Variants in MAN1A2 observed in about 807,000 individuals in gnomAD.
The protein encoded by MAN1A2 is mannosidase alpha class 1A member 2.
MAN1A2 carries 26 observed loss-of-function variants against 75.7 expected under a neutral mutation model. The observed-to-expected ratio is 0.34, with a 90% CI of 0.25 to 0.48. The LOEUF is 0.48. MAN1A2 is among the 20% of genes least tolerant of loss of function. The pLI is 0.99. For synonymous variants in MAN1A2, 247 were observed against 264.6 expected, an observed-to-expected ratio of 0.93 and a Z score of 0.65; for missense variants, 562 against 775.5, an observed-to-expected ratio of 0.72 and a Z score of 3.27.
chr1:117,412,732 C>G (rs1211842746), intron 3 of MAN1A2, among the ~76,000 whole-genome samples: 3 of 151,546 alleles, frequency 2.0e-5, no homozygotes, highest in African/African-American at 7.3e-5. Flanking sequence ...TCATTTTTTC[C>G]TGTTCAAATC....
At chr1:117,387,875 G>C (rs185480909) in intron 1 of MAN1A2, among the ~76,000 whole-genome samples, 2 of 152,092 alleles carry the variant, frequency 1.3e-5, no homozygotes, top group East Asian at 3.9e-4. Flanking sequence ...TGTGAAGAAA[G>C]AGACAGCAGC....
In MAN1A2 at chr1:117,523,999, C is replaced by T. The variant is rs1651939510; in HGVS notation, c.*1042C>T. 1 of 152,142 alleles carries T rather than the reference C, an allele frequency of 6.6e-6. No individual in the cohort carries two copies. The highest frequency in any genetic ancestry group is 2.4e-5 in the African/African-American group (1 of 41,368). The allele number at this position is 152,142 out of a possible 1,614,324, so 9.4% of individuals were successfully genotyped here. On this transcript the variant is annotated 3_prime_UTR_variant, in exon 13 of 13. Transcript: ENST00000356554. ...AAATTACTTTTATAACTTACTAAAGCAGAACAAACAGTGAAACTTTCTAAA... is the reference window on the plus strand; with the variant it reads ...AAATTACTTTTATAACTTACTAAAGTAGAACAAACAGTGAAACTTTCTAAA...
At chr1:117,429,701 C>A in intron 5 of MAN1A2, among the ~76,000 whole-genome samples, 1 of 93,330 alleles carries the variant, frequency 1.1e-5, no homozygotes, top group African/African-American at 4.3e-5. Context: ...GCTGGCCGGG[C>A]AGGGGGGCTG....
chr1:117,428,956 G>T (rs1203265763), intron 5 of MAN1A2, among the ~76,000 whole-genome samples: 1 of 141,576 alleles, frequency 7.1e-6, no homozygotes, highest in South Asian at 2.4e-4. Context: ...GCGGCCTTCC[G>T]CAGTGTTTGT....
chr1:117,488,207 A>G (rs1032846002), intron 8 of MAN1A2, among the ~76,000 whole-genome samples: 2 of 145,746 alleles, frequency 1.4e-5, no homozygotes, highest in African/African-American at 5.0e-5. Flanking sequence ...AGTTGAAAGC[A>G]AATGGCTTTT....
chr1:117,394,397 T>C (rs144144416), intron 1 of MAN1A2, among the ~76,000 whole-genome samples: 19 of 152,284 alleles, frequency 1.2e-4, no homozygotes, highest in African/African-American at 4.3e-4. Context: ...TTTCTCTTTT[T>C]ATGTTGCTGG....
chr1:117,394,826 A>C (rs909769855), intron 1 of MAN1A2, among the ~76,000 whole-genome samples: 13 of 152,196 alleles, frequency 8.5e-5, no homozygotes, highest in African/African-American at 3.1e-4. Flanking sequence ...TGAAGGAAGG[A>C]GAACACCAAT....
At chr1:117,373,727 C>G (rs1366387685) in intron 1 of MAN1A2, among the ~76,000 whole-genome samples, 1 of 152,070 alleles carries the variant, frequency 6.6e-6, no homozygotes, top group Non-Finnish European at 1.5e-5. Context: ...CTCCTGTGTT[C>G]AAGTAATCCT....
At chr1:117,453,366 A>T (rs761556548) in intron 6 of MAN1A2, among the ~76,000 whole-genome samples, 1 of 152,216 alleles carries the variant, frequency 6.6e-6, no homozygotes, top group Non-Finnish European at 1.5e-5. Flanking sequence ...AGGAGTCACT[A>T]TTCTAGATGC....
chr1:117,528,531 C>G lies in MAN1A2; in HGVS notation c.*5574C>G, dbSNP rs1033499643. On this transcript the variant is annotated 3_prime_UTR_variant, in exon 13 of 13. Coordinates refer to ENST00000356554, the MANE Select transcript of MAN1A2 (RefSeq NM_006699.5). ...GTGGCTGTTTTATTTCTACAAAATT[C>G]TGTAAGATGTATACCAGAAAACATA... is the stretch of plus-strand genomic sequence containing the variant. 1.3e-5 allele frequency: 2 copies of G among 152,016 alleles called. No individual in the cohort carries two copies. The highest frequency in any genetic ancestry group is 2.4e-5 in the African/African-American group (1 of 41,416). The allele number at this position is 152,016 out of a possible 1,614,324, so 9.4% of individuals were successfully genotyped here. A position where few individuals can be genotyped will look rare whatever the true frequency, so the allele number is the denominator to read the frequency against.
At chr1:117,417,033 T>C (rs1215107593) in intron 4 of MAN1A2, among the ~76,000 whole-genome samples, 1 of 152,162 alleles carries the variant, frequency 6.6e-6, no homozygotes. Context: ...AATAAGACTC[T>C]TCTTCCTCCA....
chr1:117,376,077 A>AT (rs1396075267), intron 1 of MAN1A2, among the ~76,000 whole-genome samples: 1 of 151,668 alleles, frequency 6.6e-6, no homozygotes, highest in Non-Finnish European at 1.5e-5. Flanking sequence ...ACGCCCGGCT[A>AT]TTTTTTGTAT....
At chr1:117,371,417 T>A (rs1251257091) in intron 1 of MAN1A2, among the ~76,000 whole-genome samples, 2 of 152,172 alleles carry the variant, frequency 1.3e-5, no homozygotes, top group Non-Finnish European at 2.9e-5. Context: ...GAAGTTGTAC[T>A]CAGTGCTTTC....
At chr1:117,427,826 A>T (rs537732159) in intron 5 of MAN1A2, among the ~76,000 whole-genome samples, 4 of 152,342 alleles carry the variant, frequency 2.6e-5, no homozygotes, top group Admixed American at 2.6e-4. Context: ...AATTTCTTTA[A>T]AATTATGTGA....
chr1:117,485,998 T>C (rs1364417558), intron 8 of MAN1A2, among the ~76,000 whole-genome samples: 2 of 151,888 alleles, frequency 1.3e-5, no homozygotes, highest in African/African-American at 4.8e-5. Context: ...TGCTATTCAG[T>C]AGAGGAAACC....
chr1:117,376,162 G>A (rs941967981), intron 1 of MAN1A2, among the ~76,000 whole-genome samples: 5 of 152,084 alleles, frequency 3.3e-5, no homozygotes, highest in Admixed American at 2.6e-4. Flanking sequence ...CGCCCGCCTC[G>A]GCCTCCCAAA....
intron 4 of MAN1A2, among the ~76,000 whole-genome samples, chr1:117,418,756 G>A (rs1464337055): frequency 1.3e-5 from 2 of 151,910 alleles, no homozygotes; most frequent in Non-Finnish European, 1.5e-5. Context: ...TTTCCGTTCT[G>A]TCCCTCTAGA....
intron 3 of MAN1A2, 26 bp downstream of exon 3, chr1:117,405,671 T>G: frequency 8.0e-7 from 1 of 1,249,126 alleles, no homozygotes; most frequent in East Asian, 2.3e-5. Context: ...CTAATTACTA[T>G]TTCCATTTTC....
intron 5 of MAN1A2, among the ~76,000 whole-genome samples, chr1:117,441,514 A>G (rs1649033387): frequency 6.6e-6 from 1 of 152,160 alleles, no homozygotes; most frequent in African/African-American, 2.4e-5. Context: ...GGAATCTGTA[A>G]GTCAGTGGTC....
Sources: allele counts gnomAD v4.1 joint callset (sites outside exome capture counted in the v4.1 genomes callset), GRCh38; gene constraint gnomAD v4.1.1; transcripts MANE v1.5; gene names NCBI Gene and HGNC (gene_info 2026-07-23, HGNC 2026-07-21).